The following DLX2 variants were observed in gnomAD, a reference collection of about 807,000 sequenced individuals.
DLX2 encodes the protein homeobox protein DLX-2.
DLX2 carries 8 observed loss-of-function variants against 27.4 expected under a neutral mutation model. The ratio of observed to expected loss-of-function variants is 0.29; its 90% CI spans 0.17 to 0.53. The LOEUF (loss-of-function observed/expected upper bound fraction) is 0.53, where lower values mean the gene tolerates loss of function less well. DLX2 is among the 20% of genes least tolerant of loss of function. The pLI is 0.96. For synonymous variants in DLX2, 210 were observed against 200.8 expected, an observed-to-expected ratio of 1.05 and a Z score of -0.39; for missense variants, 421 against 450.9, an observed-to-expected ratio of 0.93 and a Z score of 0.60.
chr2:172,102,184 A>G lies in DLX2; in HGVS notation c.355T>C (p.Tyr119His). Reference protein sequence around the residue: ...DLGYTAAYTSYAPYGTSSSPA... With the variant: ...DLGYTAAYTSHAPYGTSSSPA... ...GACGAACTGGTTCCATAGGGAGCGT[A>G]GGAGGTGTAGGCGGCGGTGTAGCCC... The change falls in exon 1 of 3, where the codon TAC (tyrosine) becomes CAC (histidine). Residue 119 changes from tyrosine to histidine, a missense_variant. Around this residue, in one of 5 missense-constraint regions of DLX2, gnomAD observed 141 missense variants for 123.5 expected, o/e 1.14. Coordinates refer to ENST00000234198, the MANE Select transcript of DLX2 (RefSeq NM_004405.4). 6.2e-7 allele frequency: 1 copy of G among 1,614,080 alleles called. No individual in the cohort carries two copies.
chr2:172,101,802 G>C (rs148817643), intron 1 of DLX2, among the ~76,000 whole-genome samples, 156 bp from the exon 2 acceptor site: 3 of 152,254 alleles, frequency 2.0e-5, no homozygotes, highest in African/African-American at 7.2e-5. Context: ...GCGTGCGATC[G>C]GAGCCGCCAC....
intron 2 of DLX2, 105 bp from the exon 3 acceptor site, chr2:172,101,049 T>C: frequency 1.5e-6 from 2 of 1,305,078 alleles, no homozygotes; most frequent in Non-Finnish European, 2.1e-6. Context: ...TGGCTAGCGG[T>C]GGGCAGCGAG....
intron 2 of DLX2, 61 bp from the exon 3 acceptor site, chr2:172,101,005 G>A: frequency 1.3e-6 from 2 of 1,544,702 alleles, no homozygotes; most frequent in Non-Finnish European, 8.8e-7. Context: ...GTAGGGGTTC[G>A]AAGAGGAGAA....
At chr2:172,101,253 C>A in intron 2 of DLX2, 1 of 641,170 alleles carries the variant, frequency 1.6e-6, no homozygotes, top group South Asian at 2.0e-5. Context: ...GATTTCTGTC[C>A]ACCCGGTCCC....
chr2:172,100,636 C>T lies in DLX2; in HGVS notation c.894G>A (p.Pro298=). 1 of 1,564,558 alleles carries T rather than the reference C, an allele frequency of 6.4e-7. No homozygotes were observed. Among genetic ancestry groups the T allele is most frequent in the Non-Finnish European group, 8.6e-7 (1 of 1,161,046 alleles). The part of the protein sequence containing the change: ...GSASHLQATA[P]LLHPTQTPQP... ...GCGGGGTCTGAGTGGGGTGCAGCAG[C>T]GGCGCCGTGGCCTGCAGGTGTGAGG... The change falls in exon 3 of 3, where the codon CCG becomes CCA. Residue 298 remains proline (P), a synonymous_variant. Transcript: ENST00000234198. This position sits in a 1 kb window ranked among gnomAD's most constrained non-coding sequence, Gnocchi z 4.5.
intron 1 of DLX2, 71 bp downstream of exon 1, chr2:172,102,068 C>G: frequency 6.5e-7 from 1 of 1,543,910 alleles, no homozygotes; most frequent in Non-Finnish European, 8.7e-7. Context: ...GCCCCCCGCC[C>G]CAAACACGTT....
In DLX2 at chr2:172,100,516, T is replaced by G; in HGVS notation, c.*27A>C. On this transcript the variant is annotated 3_prime_UTR_variant, in exon 3 of 3. Transcript: ENST00000234198. The surrounding 1 kb of genome is among the most constrained non-coding windows in gnomAD (Gnocchi z 4.5). ...CAATGAGGATAAGTGGTCTCTGCTC[T>G]CAGTCTCTGGCGAGTTCTCCCTGGG... The G allele has an allele frequency of 6.5e-7, 1 of 1,531,698 alleles. No individual in the cohort carries two copies. The highest frequency in any genetic ancestry group is 8.7e-7 in the Non-Finnish European group (1 of 1,146,994). The allele number at this position is 1,531,698 out of a possible 1,614,324, so 94.9% of individuals were successfully genotyped here. A position where few individuals can be genotyped will look rare whatever the true frequency, so the allele number is the denominator to read the frequency against.
At chr2:172,102,012 C>G in intron 1 of DLX2, 127 bp downstream of exon 1, 1 of 1,463,190 alleles carries the variant, frequency 6.8e-7, no homozygotes, top group African/African-American at 1.4e-5. Context: ...GTAAAGGGCA[C>G]AAGCGGGCGG....
In DLX2 at chr2:172,100,860, C is replaced by T. The variant is rs151259959; in HGVS notation, c.670G>A (p.Ala224Thr). Residue 224 changes from alanine to threonine, a missense_variant, in exon 3 of 3, where the codon GCC (alanine) becomes ACC (threonine). By Grantham distance (58) the Ala-to-Thr change is moderately conservative (BLOSUM62 0). Coordinates refer to ENST00000234198, the MANE Select transcript of DLX2 (RefSeq NM_004405.4). The surrounding 1 kb of genome is among the most constrained non-coding windows in gnomAD (Gnocchi z 4.5). ...GEIPSEQHPG[A>T]SASPPCASPP... is the part of the protein sequence containing the mutation. ...GAAGCACAAGGTGGAGAAGCGCTGG[C>T]CCCAGGGTGCTGCTCCGAGGGGATC... The T allele has an allele frequency of 3.0e-5, 49 of 1,612,674 alleles. No individual in the cohort carries two copies. The highest frequency in any genetic ancestry group is 3.9e-5 in the Non-Finnish European group (46 of 1,179,870).
At position 172,100,506 on chromosome 2, in the gene DLX2, G is replaced by T. The variant is rs1456781368; in HGVS notation, c.*37C>A. On this transcript the variant is annotated 3_prime_UTR_variant, in exon 3 of 3. Transcript: ENST00000234198. This position sits in a 1 kb window ranked among gnomAD's most constrained non-coding sequence, Gnocchi z 4.5. ...TCGGGGTAAGCAATGAGGATAAGTGGTCTCTGCTCTCAGTCTCTGGCGAGT... is the reference window on the plus strand; with the variant it reads ...TCGGGGTAAGCAATGAGGATAAGTGTTCTCTGCTCTCAGTCTCTGGCGAGT... 1 of 1,518,534 alleles carries T rather than the reference G, an allele frequency of 6.6e-7. No homozygotes were observed. The highest frequency in any genetic ancestry group is 8.8e-7 in the Non-Finnish European group (1 of 1,140,068). The allele number at this position is 1,518,534 out of a possible 1,614,324, so 94.1% of individuals were successfully genotyped here.
rs1224409904 is a variant in DLX2 at position 172,100,070 on chromosome 2, G to C, written c.*473C>G. On this transcript the variant is annotated 3_prime_UTR_variant, in exon 3 of 3. Coordinates refer to ENST00000234198, the MANE Select transcript of DLX2 (RefSeq NM_004405.4). The surrounding 1 kb of genome is among the most constrained non-coding windows in gnomAD (Gnocchi z 4.5). ...GCCCGGGTCAAGGGGCCACGTGGGG[G>C]AGGGCGGGCAGGCGGGACCGGGAGG... 6.5e-6 allele frequency: 1 copy of C among 153,122 alleles called. No homozygotes were observed. The highest frequency in any genetic ancestry group is 6.5e-5 in the Admixed American group (1 of 15,300). 9.5% of individuals were successfully genotyped at this position (153,122 alleles called of 1,614,324 possible).
chr2:172,101,788 C>T, intron 1 of DLX2, 142 bp from the exon 2 acceptor site: 1 of 990,794 alleles, frequency 1.0e-6, no homozygotes, highest in Non-Finnish European at 1.5e-6. Context: ...GGCGCAACTT[C>T]GCAGCGTGCG....
In DLX2 at chr2:172,100,626, G is replaced by A; in HGVS notation, c.904C>T (p.Pro302Ser). The change falls in exon 3 of 3, where the codon CCC becomes TCC. Residue 302 changes from proline (P) to serine (S), a missense_variant. Physicochemically the swap from Pro to Ser is moderately conservative, Grantham distance 74. This residue lies in a region of DLX2 where 185 missense variants were observed against 171.1 expected (regional missense o/e 1.08). Coordinates refer to ENST00000234198, the MANE Select transcript of DLX2 (RefSeq NM_004405.4). The surrounding 1 kb of genome is among the most constrained non-coding windows in gnomAD (Gnocchi z 4.5). The stretch of plus-strand genomic sequence containing the variant: ...TGATGCGGCTGCGGGGTCTGAGTGG[G>A]GTGCAGCAGCGGCGCCGTGGCCTGC... ...HLQATAPLLHPTQTPQPHHHH... is the reference protein window; with the variant it reads ...HLQATAPLLHSTQTPQPHHHH... The A allele has an allele frequency of 6.4e-7, 1 of 1,566,364 alleles. No homozygotes were observed. Among genetic ancestry groups the A allele is most frequent in the Non-Finnish European group, 8.6e-7 (1 of 1,161,622 alleles).
Position 172,100,722 on chromosome 2 carries a change from T to C in DLX2, c.808A>G (p.Ser270Gly), listed in dbSNP as rs2105532401. The change falls in exon 3 of 3, where the codon AGC becomes GGC. Residue 270 changes from serine to glycine, a missense_variant. Transcript: ENST00000234198. The surrounding 1 kb of genome is among the most constrained non-coding windows in gnomAD (Gnocchi z 4.5). ...SGAGSSGSSP[S>G]SAASAFLGNY... ...CCCAGAAAAGCCGAGGCCGCGCTGC[T>C]CGGGCTGGAGCCCGAGCTGCCGGCG... is the stretch of plus-strand genomic sequence containing the variant. 1 of 1,531,962 alleles carries C rather than the reference T, an allele frequency of 6.5e-7. No individual in the cohort carries two copies. The highest frequency in any genetic ancestry group is 8.7e-7 in the Non-Finnish European group (1 of 1,148,690). 94.9% of individuals were successfully genotyped at this position (1,531,962 alleles called of 1,614,324 possible).
chr2:172,101,018 A>C, intron 2 of DLX2, 74 bp from the exon 3 acceptor site: 3 of 1,519,364 alleles, frequency 2.0e-6, no homozygotes, highest in Non-Finnish European at 2.7e-6. Context: ...GAGGAGAAAA[A>C]AGAAGGCAGA....
At position 172,102,821 on chromosome 2, in the gene DLX2, G is replaced by C. The variant is rs1242661448; in HGVS notation, c.-283C>G. On this transcript the variant is annotated 5_prime_UTR_variant, in exon 1 of 3. Transcript: ENST00000234198. The stretch of plus-strand genomic sequence containing the variant: ...CTCTGGCGGGGGGCGGGCAGTGGAG[G>C]GGGCAGGGGTGGCTGGGCCGGGTCG... 3 of 397,686 alleles carry C rather than the reference G, an allele frequency of 7.5e-6. No individual in the cohort carries two copies. Among genetic ancestry groups the C allele is most frequent in the Non-Finnish European group, 1.3e-5 (3 of 223,636 alleles). The allele number at this position is 397,686 out of a possible 1,614,324, so 24.6% of individuals were successfully genotyped here.
Position 172,100,497 on chromosome 2 carries a change from G to C in DLX2, c.*46C>G. The C allele has an allele frequency of 6.6e-7, 1 of 1,504,710 alleles. No individual in the cohort carries two copies. Among genetic ancestry groups the C allele is most frequent in the Non-Finnish European group, 8.8e-7 (1 of 1,131,618 alleles). The allele number at this position is 1,504,710 out of a possible 1,614,324, so 93.2% of individuals were successfully genotyped here. Reference sequence around the variant, plus strand: ...AACCCCGGCTCGGGGTAAGCAATGAGGATAAGTGGTCTCTGCTCTCAGTCT... The same window carrying C: ...AACCCCGGCTCGGGGTAAGCAATGACGATAAGTGGTCTCTGCTCTCAGTCT... On this transcript the variant is annotated 3_prime_UTR_variant, in exon 3 of 3. Coordinates refer to ENST00000234198, the MANE Select transcript of DLX2 (RefSeq NM_004405.4). This position sits in a 1 kb window ranked among gnomAD's most constrained non-coding sequence, Gnocchi z 4.5.
chr2:172,102,752 C>A lies in DLX2; in HGVS notation c.-214G>T. 1 of 412,292 alleles carries A rather than the reference C, an allele frequency of 2.4e-6. No homozygotes were observed. 25.5% of individuals were successfully genotyped at this position (412,292 alleles called of 1,614,324 possible). A position where few individuals can be genotyped will look rare whatever the true frequency, so the allele number is the denominator to read the frequency against. ...AGCTGCCTCTGGTCGCATCCTCTTTCGGCCTCTGGGCCCGCTCGGCTCCTT... is the reference window on the plus strand; with the variant it reads ...AGCTGCCTCTGGTCGCATCCTCTTTAGGCCTCTGGGCCCGCTCGGCTCCTT... On this transcript the variant is annotated 5_prime_UTR_variant, in exon 1 of 3. Coordinates refer to ENST00000234198, the MANE Select transcript of DLX2 (RefSeq NM_004405.4).
chr2:172,100,681 G>A lies in DLX2; in HGVS notation c.849C>T (p.Tyr283=). 1 of 1,555,088 alleles carries A rather than the reference G, an allele frequency of 6.4e-7. No homozygotes were observed. The highest frequency in any genetic ancestry group is 8.6e-7 in the Non-Finnish European group (1 of 1,159,994). Reference sequence around the variant, plus strand: ...GTGAGGCGGATCCCGAGGTCTGGTGGTACCAGGGGTAGTTGCCCAGAAAAG... The same window carrying A: ...GTGAGGCGGATCCCGAGGTCTGGTGATACCAGGGGTAGTTGCCCAGAAAAG... The part of the protein sequence containing the change: ...ASAFLGNYPW[Y]HQTSGSASHL... The change falls in exon 3 of 3, where the codon TAC becomes TAT. Residue 283 remains tyrosine, a synonymous_variant. Coordinates refer to ENST00000234198, the MANE Select transcript of DLX2 (RefSeq NM_004405.4). This position sits in a 1 kb window ranked among gnomAD's most constrained non-coding sequence, Gnocchi z 4.5.
Sources: gnomAD v4.1 joint callset for allele counts (sites outside exome capture counted in the v4.1 genomes callset) on GRCh38, gnomAD v4.1.1 for gene constraint, gnomAD v4.1.1 regional missense constraint, Gnocchi (gnomAD v3.1) non-coding constraint, MANE v1.5 for transcripts, NCBI Gene and HGNC (gene_info 2026-07-23, HGNC 2026-07-21) for gene names.